The following PRCD variants were observed in gnomAD, a reference collection of about 807,000 sequenced individuals.
The protein encoded by PRCD is photoreceptor disc component, also known as photoreceptor disk component PRCD.
A neutral mutation model predicts 10.1 loss-of-function variants in PRCD; 12 were observed. The ratio of observed to expected loss-of-function variants is 1.18; its 90% CI spans 0.76 to 1.92. The LOEUF (loss-of-function observed/expected upper bound fraction) is 1.92, where lower values mean the gene tolerates loss of function less well. Among genes scored for constraint, PRCD ranks in the 40% most tolerant of loss-of-function variants. PRCD has a pLI of 0.00. For synonymous variants in PRCD, 31 were observed against 26.2 expected (o/e 1.18, Z -0.56); for missense variants, 61 against 72.2 (o/e 0.84, Z 0.56).
chr17:76,549,686 G>T (rs911148674), downstream of PRCD, among the ~76,000 whole-genome samples: 3 of 152,224 alleles, frequency 2.0e-5, no homozygotes, highest in African/African-American at 7.2e-5. Context: ...ATTCCTCGAC[G>T]TGGGAACAGA....
At chr17:76,529,069 CA>C (rs2074801909) in intron 1 of PRCD, 1 of 510,502 alleles carries the variant, frequency 2.0e-6, no homozygotes, top group African/African-American at 2.5e-5. Flanking sequence ...CCCACCCACG[CA>C]AAGGCGCACA....
At chr17:76,547,221 G>A (rs1008634102), downstream of PRCD, 1 of 152,290 alleles carries the variant, frequency 6.6e-6, no homozygotes, top group African/African-American at 2.4e-5. Flanking sequence ...TCCTCAGGAA[G>A]GATGTGGTGG....
In PRCD at chr17:76,531,840, G is replaced by T; in HGVS notation, n.45+4007G>T. 1 of 647,018 alleles carries T rather than the reference G, an allele frequency of 1.5e-6. No homozygotes were observed. The highest frequency in any genetic ancestry group is 2.6e-6 in the Non-Finnish European group (1 of 381,924). The allele number at this position is 647,018 out of a possible 1,614,324, so 40.1% of individuals were successfully genotyped here. A position where few individuals can be genotyped will look rare whatever the true frequency, so the allele number is the denominator to read the frequency against. ...TTTTCACTACCATCAGTAGACCTCA[G>T]CATAGACCCTCCTCCCTCTGGCCAA... On this transcript the variant is annotated intron_variant and non_coding_transcript_variant, in intron 1 of 4. Coordinates refer to the PRCD transcript ENST00000397633. This position sits in a 1 kb window ranked among gnomAD's most constrained non-coding sequence, Gnocchi z 7.4.
rs1567907451 is a variant in PRCD, at chr17:76,533,263, G to T, written n.45+5430G>T. Among the ~76,000 whole-genome samples the T allele has an allele frequency of 6.6e-6, 1 of 152,212 alleles. No individual in the cohort carries two copies. ...CTGTTTGCAGAAGGGCAAGAGGAGG[G>T]CCCCCGCTCACTGCTTCATGGATAC... is the stretch of plus-strand genomic sequence containing the variant. On this transcript the variant is annotated intron_variant and non_coding_transcript_variant, in intron 1 of 4. Coordinates refer to the PRCD transcript ENST00000397633. This position sits in a 1 kb window ranked among gnomAD's most constrained non-coding sequence, Gnocchi z 4.5.
downstream of PRCD, among the ~76,000 whole-genome samples, chr17:76,548,852 G>A (rs2075080982): frequency 6.6e-6 from 1 of 152,206 alleles, no homozygotes; most frequent in Non-Finnish European, 1.5e-5. Flanking sequence ...TTGACAACAG[G>A]CAGCACACAG....
intron 4 of PRCD, 136 bp downstream of exon 4, chr17:76,543,257 C>T: frequency 2.8e-6 from 1 of 363,322 alleles, no homozygotes; most frequent in South Asian, 2.1e-5. Flanking sequence ...GGGCTTCCTT[C>T]CCTCTGAGTT....
upstream of PRCD, among the ~76,000 whole-genome samples, chr17:76,537,062 A>C (rs1325750146): frequency 3.3e-5 from 5 of 152,128 alleles, no homozygotes; most frequent in African/African-American, 1.2e-4. Context: ...ACTACCTTTG[A>C]AAGGCCAGAA....
At chr17:76,550,809 G>A (rs1298689717) in intron 1 of PRCD, 1 of 152,234 alleles carries the variant, frequency 6.6e-6, no homozygotes, top group Non-Finnish European at 1.5e-5. Context: ...ACAGTGGGAT[G>A]AGTGTTCAAA....
In PRCD at chr17:76,528,087, C is replaced by A; in HGVS notation, n.45+254C>A. 2.7e-6 allele frequency: 1 copy of A among 368,562 alleles called. No homozygotes were observed. Among genetic ancestry groups the A allele is most frequent in the South Asian group, 3.1e-5 (1 of 31,900 alleles). The allele number at this position is 368,562 out of a possible 1,614,324, so 22.8% of individuals were successfully genotyped here. A position where few individuals can be genotyped will look rare whatever the true frequency, so the allele number is the denominator to read the frequency against. On this transcript the variant is annotated intron_variant and non_coding_transcript_variant, in intron 1 of 4. Transcript: ENST00000397633. The surrounding 1 kb of genome is among the most constrained non-coding windows in gnomAD (Gnocchi z 5.8). ...GGTGGGCCAAACCGAGGCTTCTGGG[C>A]GCCGCGGATACACATTCTAGATATG...
At chr17:76,537,389 G>A (rs1475489926), upstream of PRCD, 1 of 1,584,106 alleles carries the variant, frequency 6.3e-7, no homozygotes, top group Admixed American at 1.7e-5. Flanking sequence ...GCCGGGCCGG[G>A]CGACACCTAC....
rs1390660099 is a variant in PRCD, at chr17:76,545,273, G to A, written c.*1623G>A. ...CACAGAAGGCTCCTGGGACCCGGGT[G>A]CCCCTTCCTTGGCCCACTGGCTCCC... On this transcript the variant is annotated 3_prime_UTR_variant, in exon 5 of 5. Transcript: ENST00000592014. 22 of 456,650 alleles carry A rather than the reference G, an allele frequency of 4.8e-5. No homozygotes were observed. Among genetic ancestry groups the A allele is most frequent in the Non-Finnish European group, 2.2e-5 (5 of 226,992 alleles). The allele number at this position is 456,650 out of a possible 1,614,324, so 28.3% of individuals were successfully genotyped here. A position where few individuals can be genotyped will look rare whatever the true frequency, so the allele number is the denominator to read the frequency against.
At chr17:76,529,063 C>T (rs1354098381) in intron 1 of PRCD, 7 of 570,164 alleles carry the variant, frequency 1.2e-5, no homozygotes, top group Non-Finnish European at 1.3e-5. Flanking sequence ...CCACCCCCCA[C>T]CCACGCAAAG....
At chr17:76,545,694 C>T (rs1477277770), downstream of PRCD, 1 of 286,388 alleles carries the variant, frequency 3.5e-6, no homozygotes, top group African/African-American at 2.2e-5. Context: ...GGAGATCCTA[C>T]TGGTATCTGT....
chr17:76,529,635 G>A (rs1022193013), intron 1 of PRCD: 62 of 985,260 alleles, frequency 6.3e-5, no homozygotes, highest in Middle Eastern at 5.2e-4. Flanking sequence ...CAGAGCCTGC[G>A]TGGGGAGAGG....
chr17:76,540,194 G>T lies in PRCD; in HGVS notation c.53G>T (p.Arg18Leu), dbSNP rs771143178. 1.3e-6 allele frequency: 2 copies of T among 1,485,418 alleles called. No homozygotes were observed. Among genetic ancestry groups the T allele is most frequent in the East Asian group, 2.8e-5 (1 of 35,608 alleles). The allele number at this position is 1,485,418 out of a possible 1,614,324, so 92.0% of individuals were successfully genotyped here. The change falls in exon 1 of 5, where the codon CGA (arginine) becomes CTA (leucine). Residue 18 changes from arginine to leucine, a missense_variant. Transcript: ENST00000592014. This position sits in a 1 kb window ranked among gnomAD's most constrained non-coding sequence, Gnocchi z 5.0. The stretch of plus-strand genomic sequence containing the variant: ...ACCCTGGCCATGCTCTGGCGCCGCC[G>T]ATTTGCCAACCGAGTCCAACCGTGA... ...LSTLAMLWRRRFANRVQPEPS... is the reference protein window; with the variant it reads ...LSTLAMLWRRLFANRVQPEPS...
chr17:76,540,578 G>T lies in PRCD; in HGVS notation c.143+5G>T. ...GGACCCTCAGTCCTCAGGCAGGTAA[G>T]GCAGGAGTCTGGGCTGGGGGAGGGA... On this transcript the variant is annotated splice_donor_5th_base_variant and intron_variant, in intron 2 of 4. Coordinates refer to ENST00000592014, the MANE Select transcript of PRCD (RefSeq NM_001077620.3). This position sits in a 1 kb window ranked among gnomAD's most constrained non-coding sequence, Gnocchi z 5.0. 6.2e-7 allele frequency: 1 copy of T among 1,613,264 alleles called. No individual in the cohort carries two copies. Among genetic ancestry groups the T allele is most frequent in the Non-Finnish European group, 8.5e-7 (1 of 1,179,794 alleles).
At position 76,529,886 on chromosome 17, in the gene PRCD, C is replaced by T. The variant is rs1434557222; in HGVS notation, n.45+2053C>T. The T allele has an allele frequency of 1.7e-5, 17 of 985,234 alleles. No individual in the cohort carries two copies. In the East Asian group the frequency reaches 4.6e-4, roughly 26 times the overall value. The allele number at this position is 985,234 out of a possible 1,614,324, so 61.0% of individuals were successfully genotyped here. On this transcript the variant is annotated intron_variant and non_coding_transcript_variant, in intron 1 of 4. Coordinates refer to the PRCD transcript ENST00000397633. ...CAGCCAGCAGTTCCCGAGGACTCCA[C>T]TCTCTTGGGGTGGTGCTGACGGGAG... is the stretch of plus-strand genomic sequence containing the variant.
At chr17:76,538,734 G>T (rs141727306), upstream of PRCD, among the ~76,000 whole-genome samples, 2 of 152,338 alleles carry the variant, frequency 1.3e-5, no homozygotes, top group South Asian at 4.1e-4. Flanking sequence ...GGCCAGAGGT[G>T]GGGGGAGAAT....
chr17:76,548,105 A>G (rs544437084), downstream of PRCD, among the ~76,000 whole-genome samples: 14 of 151,958 alleles, frequency 9.2e-5, no homozygotes, highest in East Asian at 1.4e-3. Flanking sequence ...ACACACAGAA[A>G]CACACACACA....
Sources: gnomAD v4.1 joint callset for allele counts (sites outside exome capture counted in the v4.1 genomes callset) on GRCh38, gnomAD v4.1.1 for gene constraint, Gnocchi (gnomAD v3.1) non-coding constraint, MANE v1.5 for transcripts, NCBI Gene and HGNC (gene_info 2026-07-23, HGNC 2026-07-21) for gene names.